The following CFI variants were observed in gnomAD, a reference collection of about 807,000 sequenced individuals.
The protein encoded by CFI is complement factor I, also known as C3B/C4B inactivator.
Under a neutral mutation model 78.8 loss-of-function variants are expected in CFI, and 66 were observed. The ratio of observed to expected loss-of-function variants is 0.84; its 90% CI spans 0.69 to 1.03. The LOEUF (loss-of-function observed/expected upper bound fraction) is 1.03. Ranked by LOEUF, CFI falls within the 50% of genes least tolerant of loss-of-function variation. The probability of loss-of-function intolerance (pLI) is 0.00; values close to 1 mark genes in which losing one functional copy is unlikely to be tolerated. For synonymous variants in CFI, 250 were observed against 232.6 expected, an observed-to-expected ratio of 1.07 and a Z score of -0.68; for missense variants, 706 against 704.5, an observed-to-expected ratio of 1.00 and a Z score of -0.02.
chr4:109,769,529 C>T lies in CFI; in HGVS notation c.58-2705G>A, dbSNP rs550834977. ...GCAGCCGGGTCTCACCTGATTCTTA[C>T]GGCTGAGAACTAGCCTTGGCAAGGT... On this transcript the variant is annotated intron_variant, in intron 1 of 12. Coordinates refer to ENST00000394634, the MANE Select transcript of CFI (RefSeq NM_000204.5). Among the ~76,000 whole-genome samples, 34 of 152,294 alleles carry T rather than the reference C, an allele frequency of 2.2e-4. No individual in the cohort carries two copies. In the South Asian group the frequency reaches 5.4e-3, roughly 24 times the overall value.
At chr4:109,796,204 G>A (rs372197385) in intron 1 of CFI, among the ~76,000 whole-genome samples, 86 of 152,234 alleles carry the variant, frequency 5.6e-4, no homozygotes, top group African/African-American at 2.0e-3. Flanking sequence ...GGCCAGGAAA[G>A]AGTGGGATAA....
intron 2 of CFI, 53 bp downstream of exon 2, chr4:109,766,501 A>G (rs1727766077): frequency 1.3e-6 from 2 of 1,595,740 alleles, no homozygotes; most frequent in Admixed American, 1.7e-5. Flanking sequence ...AAAGTATGGC[A>G]TACAAATACC....
downstream of CFI, among the ~76,000 whole-genome samples, chr4:109,740,379 G>T (rs1322804919): frequency 1.1e-4 from 17 of 152,002 alleles, no homozygotes; most frequent in Admixed American, 9.8e-4. Flanking sequence ...AGAGAGAAAA[G>T]ATGAGAAAGA....
At chr4:109,742,376 A>C (rs1021094373) in intron 12 of CFI, 115 bp downstream of exon 12, 10 of 740,864 alleles carry the variant, frequency 1.3e-5, no homozygotes, top group Admixed American at 7.9e-5. Context: ...TACAGCCAGA[A>C]GGCCAAATGG....
chr4:109,759,864 A>G (rs2126212924), intron 6 of CFI, among the ~76,000 whole-genome samples: 1 of 152,352 alleles, frequency 6.6e-6, no homozygotes, highest in Non-Finnish European at 1.5e-5. Context: ...ACAGCACTCC[A>G]GCCTGGGCAA....
chr4:109,797,600 C>T (rs1024066520), intron 1 of CFI, among the ~76,000 whole-genome samples: 2 of 152,164 alleles, frequency 1.3e-5, no homozygotes, highest in Non-Finnish European at 2.9e-5. Flanking sequence ...TAAAAACCTT[C>T]TGCACAGCAA....
chr4:109,775,853 C>A (rs1007449959), intron 1 of CFI, among the ~76,000 whole-genome samples: 1 of 152,188 alleles, frequency 6.6e-6, no homozygotes, highest in Non-Finnish European at 1.5e-5. Flanking sequence ...GTAGCCTCCA[C>A]TGGTGATACC....
At chr4:109,785,747 A>C (rs544337101) in intron 1 of CFI, among the ~76,000 whole-genome samples, 1 of 152,150 alleles carries the variant, frequency 6.6e-6, no homozygotes, top group South Asian at 2.1e-4. Context: ...TAATTAAATC[A>C]TGGGGGCGGT....
At chr4:109,765,003 G>A (rs1200614083) in intron 2 of CFI, among the ~76,000 whole-genome samples, 1 of 152,162 alleles carries the variant, frequency 6.6e-6, no homozygotes, top group East Asian at 1.9e-4. Context: ...CCAGGATTTG[G>A]AACTTGCTCA....
intron 1 of CFI, among the ~76,000 whole-genome samples, chr4:109,800,715 T>C (rs1732676211): frequency 6.6e-6 from 1 of 152,124 alleles, no homozygotes; most frequent in African/African-American, 2.4e-5. Flanking sequence ...CACTGTAAGA[T>C]CTTTTAGTCA....
At chr4:109,736,656 A>G (rs1380769465), downstream of CFI, among the ~76,000 whole-genome samples, 1 of 152,184 alleles carries the variant, frequency 6.6e-6, no homozygotes, top group Non-Finnish European at 1.5e-5. Flanking sequence ...TGTATGCACA[A>G]TGTAAGATTG....
At position 109,762,189 on chromosome 4, in the gene CFI, TA is replaced by T. The variant is rs10634105; in HGVS notation, c.483-498del. On this transcript the variant is annotated intron_variant, in intron 3 of 12. Coordinates refer to ENST00000394634, the MANE Select transcript of CFI (RefSeq NM_000204.5). ...CTGGGCAACAGAGTGAGACTCTGTC[TA>T]AAAAAAAAAAAAAAAAAAATTTCCA... 8.4e-4 allele frequency: 97 copies of T among 115,312 alleles called. 1 individual carries two copies. Among genetic ancestry groups the T allele is most frequent in the African/African-American group, 3.2e-3 (90 of 28,392 alleles). 7.1% of individuals were successfully genotyped at this position (115,312 alleles called of 1,614,324 possible). A position where few individuals can be genotyped will look rare whatever the true frequency, so the allele number is the denominator to read the frequency against.
chr4:109,736,815 C>A (rs1723396989), downstream of CFI, among the ~76,000 whole-genome samples: 1 of 152,140 alleles, frequency 6.6e-6, no homozygotes, highest in Non-Finnish European at 1.5e-5. Flanking sequence ...TATTTCCTAT[C>A]ACGTACTGTA....
At chr4:109,771,580 G>C (rs1728598687) in intron 1 of CFI, among the ~76,000 whole-genome samples, 1 of 151,554 alleles carries the variant, frequency 6.6e-6, no homozygotes, top group South Asian at 2.1e-4. Flanking sequence ...CGGGCGTAGT[G>C]GTGTGTGCCT....
Position 109,755,607 on chromosome 4 carries a change from G to C in CFI, c.904+2156C>G, listed in dbSNP as rs140146772. 2.5e-3 allele frequency among the ~76,000 whole-genome samples: 388 copies of C among 152,222 alleles called. 1 individual carries two copies. The highest frequency in any genetic ancestry group is 8.9e-3 in the African/African-American group (369 of 41,538). ...ACAAAAGTGAGTTCGGACTCCTCTT[G>C]TTCCGTTGCTCTCTTGCCCTTCAAC... On this transcript the variant is annotated intron_variant, in intron 7 of 12. Coordinates refer to ENST00000394634, the MANE Select transcript of CFI (RefSeq NM_000204.5).
chr4:109,771,355 G>A (rs772561205), intron 1 of CFI, among the ~76,000 whole-genome samples: 39 of 151,058 alleles, frequency 2.6e-4, no homozygotes, highest in Non-Finnish European at 5.0e-4. Context: ...TCAGCAGTTC[G>A]AGACCATTCT....
intron 11 of CFI, 110 bp downstream of exon 11, chr4:109,746,112 G>T: frequency 7.8e-7 from 1 of 1,285,376 alleles, no homozygotes; most frequent in Non-Finnish European, 1.1e-6. Context: ...TACTTTTCTG[G>T]ATATGATGTT....
At chr4:109,733,243 G>C in the CFI span, among the ~76,000 whole-genome samples, 2 of 152,142 alleles carry the variant, frequency 1.3e-5, no homozygotes, top group Admixed American at 1.3e-4. Context: ...AAAGTGCTGG[G>C]ATTACAACAT....
chr4:109,741,333 T>C (rs770827278), intron 12 of CFI: 3 of 985,450 alleles, frequency 3.0e-6, no homozygotes, highest in Non-Finnish European at 3.6e-6. Flanking sequence ...CAGCATGTTC[T>C]TCCTGTGTTC....
Sources: gnomAD v4.1 joint callset for allele counts (sites outside exome capture counted in the v4.1 genomes callset) on GRCh38, gnomAD v4.1.1 for gene constraint, MANE v1.5 for transcripts, NCBI Gene and HGNC (gene_info 2026-07-23, HGNC 2026-07-21) for gene names.